Variants in ZDHHC21 observed in about 807,000 individuals in gnomAD.
ZDHHC21 encodes the protein palmitoyltransferase ZDHHC21.
ZDHHC21 carries 15 observed loss-of-function variants against 34.6 expected under a neutral mutation model. The ratio of observed to expected loss-of-function variants is 0.43; its 90% CI spans 0.29 to 0.67. The LOEUF is 0.67. Ranked by LOEUF, ZDHHC21 falls within the 30% of genes least tolerant of loss-of-function variation. The pLI is 0.14. For synonymous variants in ZDHHC21, 142 were observed against 101.8 expected (o/e 1.40, Z -2.38); for missense variants, 344 against 327.7 (o/e 1.05, Z -0.38).
chr9:14,646,266 G>A (rs1830264963), intron 7 of ZDHHC21, among the ~76,000 whole-genome samples: 3 of 152,062 alleles, frequency 2.0e-5, no homozygotes, highest in Non-Finnish European at 2.9e-5. Context: ...TCCAAATGTT[G>A]CCCAAAAGAA....
intron 4 of ZDHHC21, 130 bp downstream of exon 4, chr9:14,674,057 A>G: frequency 2.0e-6 from 1 of 503,182 alleles, no homozygotes; most frequent in Non-Finnish European, 3.3e-6. Flanking sequence ...TTAGTAAATA[A>G]CTGAATATTG....
At chr9:14,597,676 G>A in the ZDHHC21 span, among the ~76,000 whole-genome samples, 1 of 152,108 alleles carries the variant, frequency 6.6e-6, no homozygotes, top group Non-Finnish European at 1.5e-5. Flanking sequence ...CCCACCCACT[G>A]CTACTGCTGC....
chr9:14,619,815 G>T, intron 8 of ZDHHC21, 133 bp from the exon 9 acceptor site: 3 of 422,142 alleles, frequency 7.1e-6, no homozygotes, highest in Non-Finnish European at 1.1e-5. Context: ...TGAGTATTAT[G>T]AATTTTAAAT....
At position 14,667,529 on chromosome 9, in the gene ZDHHC21, C is replaced by T. The variant is rs1259780660; in HGVS notation, c.254-5203G>A. On this transcript the variant is annotated intron_variant, in intron 5 of 9. Coordinates refer to ENST00000380916, the MANE Select transcript of ZDHHC21 (RefSeq NM_178566.6). ...GCCAGCATCATTCTGATACCAAAGC[C>T]GGGCAGAGACACAACCAAAAAAGAG... 6.6e-5 allele frequency among the ~76,000 whole-genome samples: 9 copies of T among 135,554 alleles called. No individual in the cohort carries two copies. The East Asian group carries it at 6.8e-4, about 10-fold the overall frequency. The allele number at this position is 135,554 out of a possible 152,430, so 88.9% of individuals were successfully genotyped here.
rs886614439 is a variant in ZDHHC21, at chr9:14,616,050, T to C, written c.*2916A>G. The C allele has an allele frequency of 2.0e-5, 3 of 151,672 alleles. No homozygotes were observed. The highest frequency in any genetic ancestry group is 7.2e-5 in the African/African-American group (3 of 41,412). 9.4% of individuals were successfully genotyped at this position (151,672 alleles called of 1,614,324 possible). ...AAAAGAACAAAGAAAAGGAAAATTA[T>C]ACAAAGAATCATTAATCTCTTAGTT... is the stretch of plus-strand genomic sequence containing the variant. On this transcript the variant is annotated 3_prime_UTR_variant, in exon 10 of 10. Transcript: ENST00000380916.
intron 8 of ZDHHC21, among the ~76,000 whole-genome samples, chr9:14,638,027 C>G (rs1828615356): frequency 6.6e-6 from 1 of 151,860 alleles, no homozygotes. Context: ...AGAAAACAAT[C>G]CTAAAATTTG....
In ZDHHC21 at chr9:14,644,420, A is replaced by T. The variant is rs183198420; in HGVS notation, c.505-4408T>A. Among the ~76,000 whole-genome samples, 2 of 152,166 alleles carry T rather than the reference A, an allele frequency of 1.3e-5. 1 individual carries two copies. Among genetic ancestry groups the T allele is most frequent in the Non-Finnish European group, 2.9e-5 (2 of 68,000 alleles). ...TATATTTAAGAATAATAATGGTGAT[A>T]GTGGGGGCATCAATGCCTTGTCTCC... On this transcript the variant is annotated intron_variant, in intron 7 of 9. Coordinates refer to ENST00000380916, the MANE Select transcript of ZDHHC21 (RefSeq NM_178566.6).
In ZDHHC21 at chr9:14,653,709, G is replaced by A. The variant is rs147037993; in HGVS notation, c.504+5040C>T. 7.2e-5 allele frequency among the ~76,000 whole-genome samples: 11 copies of A among 152,034 alleles called. 1 individual carries two copies. In the East Asian group the frequency reaches 1.9e-3, roughly 27 times the overall value. ...AGTTTTGCACTGCACAACTCCACAG[G>A]ATACTGTTTACATAGACTATGATGT... is the stretch of plus-strand genomic sequence containing the variant. On this transcript the variant is annotated intron_variant, in intron 7 of 9. Transcript: ENST00000380916.
At chr9:14,673,842 T>G (rs533932448) in intron 4 of ZDHHC21, among the ~76,000 whole-genome samples, 121 of 152,212 alleles carry the variant, frequency 7.9e-4, no homozygotes, top group African/African-American at 2.7e-3. Flanking sequence ...TAATGTATAC[T>G]GTCTCTATTC....
chr9:14,675,207 C>T (rs1192814286), intron 3 of ZDHHC21, among the ~76,000 whole-genome samples: 1 of 151,686 alleles, frequency 6.6e-6, no homozygotes, highest in African/African-American at 2.4e-5. Context: ...TAAAATACTT[C>T]TATATAAATA....
the ZDHHC21 span, among the ~76,000 whole-genome samples, chr9:14,604,492 CACTG>C: frequency 4.6e-5 from 7 of 152,044 alleles, no homozygotes; most frequent in African/African-American, 1.7e-4. Context: ...AAATAATTCA[CACTG>C]ACTTTAGGAT....
chr9:14,606,950 C>G (rs1319648382), downstream of ZDHHC21, among the ~76,000 whole-genome samples: 2 of 151,910 alleles, frequency 1.3e-5, no homozygotes, highest in Non-Finnish European at 2.9e-5. Context: ...TTTGGTACTT[C>G]CTATCAAAAT....
intron 8 of ZDHHC21, among the ~76,000 whole-genome samples, chr9:14,632,113 A>T (rs1827471474): frequency 6.6e-6 from 1 of 152,000 alleles, no homozygotes; most frequent in Admixed American, 6.6e-5. Flanking sequence ...ACAATATAAC[A>T]AGTATGCCTG....
chr9:14,645,812 A>G (rs899990038), intron 7 of ZDHHC21, among the ~76,000 whole-genome samples: 2 of 152,158 alleles, frequency 1.3e-5, no homozygotes, highest in African/African-American at 4.8e-5. Flanking sequence ...AATATATGAA[A>G]AGAGGTTCAG....
chr9:14,646,735 G>A (rs774273892), intron 7 of ZDHHC21, among the ~76,000 whole-genome samples: 17 of 151,934 alleles, frequency 1.1e-4, no homozygotes, highest in South Asian at 2.1e-4. Flanking sequence ...CTTAAATATC[G>A]CCTTATCAGA....
At chr9:14,646,087 G>A (rs1436070813) in intron 7 of ZDHHC21, among the ~76,000 whole-genome samples, 3 of 152,020 alleles carry the variant, frequency 2.0e-5, no homozygotes, top group East Asian at 3.8e-4. Context: ...GACAGCAGGA[G>A]GAATAAACAA....
chr9:14,656,477 A>G (rs1366395708), intron 7 of ZDHHC21, among the ~76,000 whole-genome samples: 2 of 151,974 alleles, frequency 1.3e-5, no homozygotes, highest in African/African-American at 2.4e-5. Flanking sequence ...TAAAACATTG[A>G]GATAATATAT....
At chr9:14,630,837 GT>G (rs1827209004) in intron 8 of ZDHHC21, among the ~76,000 whole-genome samples, 1 of 152,210 alleles carries the variant, frequency 6.6e-6, no homozygotes, top group Admixed American at 6.5e-5. Context: ...TTCCTGAGCA[GT>G]AGTTCTCAAT....
In ZDHHC21 at chr9:14,622,032, C is replaced by T. The variant is rs571399590; in HGVS notation, c.622-2350G>A. Reference sequence around the variant, plus strand: ...TATAAGTCCTCAGTTATATGTAAAACTCAGCTATCCAGAGAAATTCACTTG... The same window carrying T: ...TATAAGTCCTCAGTTATATGTAAAATTCAGCTATCCAGAGAAATTCACTTG... On this transcript the variant is annotated intron_variant, in intron 8 of 9. Transcript: ENST00000380916. Among the ~76,000 whole-genome samples the T allele has an allele frequency of 4.6e-5, 7 of 152,166 alleles. No homozygotes were observed. The South Asian group carries it at 8.3e-4, about 18-fold the overall frequency.
Sources: allele counts gnomAD v4.1 joint callset (sites outside exome capture counted in the v4.1 genomes callset), GRCh38; gene constraint gnomAD v4.1.1; transcripts MANE v1.5; gene names NCBI Gene and HGNC (gene_info 2026-07-23, HGNC 2026-07-21).